The following ALDH7A1 variants were observed in gnomAD, a reference collection of about 807,000 sequenced individuals.
The protein encoded by ALDH7A1 is aldehyde dehydrogenase 7 family member A1, also known as alpha-aminoadipic semialdehyde dehydrogenase.
In ALDH7A1, 63 loss-of-function variants were observed where a neutral mutation model predicts 79.9. The observed-to-expected ratio is 0.79, with a 90% CI of 0.64 to 0.97. The LOEUF is 0.97. ALDH7A1 is among the 50% of genes least tolerant of loss of function. ALDH7A1 has a pLI of 0.00. For missense variants in ALDH7A1, 627 were observed against 665.2 expected, an observed-to-expected ratio of 0.94 and a Z score of 0.63; for synonymous variants, 240 against 231.2, an observed-to-expected ratio of 1.04 and a Z score of -0.34.
intron 12 of ALDH7A1, 162 bp from the exon 13 acceptor site, chr5:126,554,555 T>C: frequency 1.5e-6 from 1 of 684,338 alleles, no homozygotes; most frequent in Non-Finnish European, 2.6e-6. Flanking sequence ...ATGGTAAATA[T>C]TTTATGCTTT....
rs77822695 is a variant in ALDH7A1, at chr5:126,548,330, T to C, written c.1489+1599A>G. On this transcript the variant is annotated intron_variant, in intron 16 of 17. Coordinates refer to ENST00000409134, the MANE Select transcript of ALDH7A1 (RefSeq NM_001182.5). ...CAACTGGCTAGTTTTTTTTAATTTT[T>C]GTAGAGACAGGGTCCTACCATGTTG... Among the ~76,000 whole-genome samples the C allele has an allele frequency of 8.0e-3, 1,220 of 151,968 alleles. 16 individuals are homozygous for C. Among genetic ancestry groups the C allele is most frequent in the African/African-American group, 0.028 (1,155 of 41,416 alleles).
At chr5:126,574,644 G>A (rs984724962) in intron 7 of ALDH7A1, among the ~76,000 whole-genome samples, 12 of 150,434 alleles carry the variant, frequency 8.0e-5, no homozygotes, top group Admixed American at 2.6e-4. Context: ...GCAGTGAGCC[G>A]AGATCGCACC....
At chr5:126,581,246 A>G (rs542071416) in intron 5 of ALDH7A1, 1 of 152,256 alleles carries the variant, frequency 6.6e-6, no homozygotes, top group Non-Finnish European at 1.5e-5. Context: ...CTACATATAC[A>G]TCATTTGGAA....
chr5:126,568,453 G>T, intron 8 of ALDH7A1, 97 bp from the exon 9 acceptor site: 1 of 1,012,074 alleles, frequency 9.9e-7, no homozygotes, highest in Non-Finnish European at 1.6e-6. Flanking sequence ...TGAAAAAGCA[G>T]TCCCTTGAAG....
At chr5:126,568,166 G>C in intron 9 of ALDH7A1, 93 bp downstream of exon 9, 1 of 1,219,530 alleles carries the variant, frequency 8.2e-7, no homozygotes, top group East Asian at 2.3e-5. Flanking sequence ...CTGCCTCCAT[G>C]GAAAAGGTTG....
At chr5:126,589,157 T>A (rs1198668641) in intron 3 of ALDH7A1, 2 of 152,094 alleles carry the variant, frequency 1.3e-5, no homozygotes, top group East Asian at 3.9e-4. Flanking sequence ...AAAAGTCTAT[T>A]AATTTCTTTT....
In ALDH7A1 at chr5:126,595,022, C is replaced by A. The variant is rs1064794242; in HGVS notation, c.177G>T (p.Trp59Cys). ...GCCCGCGTACCTCTCCCCGGCCTCC[C>A]CAGCTTCCATTATACACGCCCTCGT... Reference protein sequence around the residue: ...EENEGVYNGSWGGRGEVITTY... With the variant: ...EENEGVYNGSCGGRGEVITTY... The change falls in exon 1 of 18, where the codon TGG (tryptophan) becomes TGT (cysteine). Residue 59 changes from tryptophan to cysteine, a missense_variant. Trp to Cys is a radical substitution (Grantham distance 215). Transcript: ENST00000409134. 6.2e-7 allele frequency: 1 copy of A among 1,605,868 alleles called. No individual in the cohort carries two copies. The highest frequency in any genetic ancestry group is 8.5e-7 in the Non-Finnish European group (1 of 1,177,008).
rs560212625 is a variant in ALDH7A1 at position 126,592,742 on chromosome 5, T to A, written c.247-13A>T. On this transcript the variant is annotated splice_polypyrimidine_tract_variant and intron_variant, in intron 2 of 17. Coordinates refer to ENST00000409134, the MANE Select transcript of ALDH7A1 (RefSeq NM_001182.5). Reference sequence around the variant, plus strand: ...CTGCCACACTGGCCTAAATTAAGAATTAGGGGGACAGAAAGGGGGAAATAA... The same window carrying A: ...CTGCCACACTGGCCTAAATTAAGAAATAGGGGGACAGAAAGGGGGAAATAA... 1.9e-6 allele frequency: 3 copies of A among 1,610,802 alleles called. No homozygotes were observed. The highest frequency in any genetic ancestry group is 2.2e-5 in the East Asian group (1 of 44,862).
At chr5:126,545,377 C>T (rs1297738952) in intron 17 of ALDH7A1, among the ~76,000 whole-genome samples, 2 of 151,826 alleles carry the variant, frequency 1.3e-5, no homozygotes, top group East Asian at 2.0e-4. Flanking sequence ...CAGGCTCAAG[C>T]GATTCTCCTG....
At chr5:126,548,252 G>T (rs986311231) in intron 16 of ALDH7A1, among the ~76,000 whole-genome samples, 1 of 151,974 alleles carries the variant, frequency 6.6e-6, no homozygotes, top group Non-Finnish European at 1.5e-5. Flanking sequence ...TGGCTTAAGC[G>T]AGCCTTGCAC....
rs576066554 is a variant in ALDH7A1 at position 126,546,546 on chromosome 5, C to G, written c.1490-147G>C. On this transcript the variant is annotated intron_variant, in intron 16 of 17. Transcript: ENST00000409134. ...TAGCCCACAATATCTCCCCTGCAAA[C>G]AAATCAAAGACAGAGACCAAGAGAC... The G allele has an allele frequency of 7.6e-4, 516 of 680,836 alleles. 2 individuals are homozygous for G. Among genetic ancestry groups the G allele is most frequent in the Middle Eastern group, 2.4e-3 (8 of 3,384 alleles). The allele number at this position is 680,836 out of a possible 1,614,324, so 42.2% of individuals were successfully genotyped here.
At chr5:126,561,734 G>C (rs905250384) in intron 9 of ALDH7A1, 4 of 152,174 alleles carry the variant, frequency 2.6e-5, no homozygotes, top group African/African-American at 9.7e-5. Context: ...GAAAAATAAA[G>C]TAAAATGGGA....
chr5:126,576,992 C>G lies in ALDH7A1; in HGVS notation c.650+87G>C. 2.6e-6 allele frequency: 4 copies of G among 1,555,848 alleles called. No individual in the cohort carries two copies. In the South Asian group the frequency reaches 4.5e-5, roughly 17 times the overall value. ...GGTGTGGTGATGCACACTTATAATCCCAGTTACTGAAGAGGCTGAGGTAGT... is the reference window on the plus strand; with the variant it reads ...GGTGTGGTGATGCACACTTATAATCGCAGTTACTGAAGAGGCTGAGGTAGT... On this transcript the variant is annotated intron_variant, in intron 6 of 17. Transcript: ENST00000409134.
At chr5:126,578,287 T>G (rs1168972584) in intron 5 of ALDH7A1, among the ~76,000 whole-genome samples, 1 of 151,650 alleles carries the variant, frequency 6.6e-6, no homozygotes, top group East Asian at 1.9e-4. Flanking sequence ...AGACTCCGCC[T>G]CAAAAAATAA....
In ALDH7A1 at chr5:126,574,042, A is replaced by AAAG. The variant is rs1554100200; in HGVS notation, c.695+1377_695+1378insCTT. Among the ~76,000 whole-genome samples, 757 of 150,666 alleles carry AAAG rather than the reference A, an allele frequency of 5.0e-3. 7 individuals carry two copies. The highest frequency in any genetic ancestry group is 0.018 in the African/African-American group (723 of 40,456). ...CTGTCTCAAAAAAAAAAAAAAAAAAAAAAAGAAAACATATTACCCTTGCTC... is the reference window on the plus strand; with the variant it reads ...CTGTCTCAAAAAAAAAAAAAAAAAAAAAGAAAAGAAAACATATTACCCTTGCTC... On this transcript the variant is annotated intron_variant, in intron 7 of 17. Coordinates refer to ENST00000409134, the MANE Select transcript of ALDH7A1 (RefSeq NM_001182.5).
intron 6 of ALDH7A1, among the ~76,000 whole-genome samples, 172 bp downstream of exon 6, chr5:126,576,907 A>G (rs1750991158): frequency 6.6e-6 from 1 of 152,222 alleles, no homozygotes; most frequent in Non-Finnish European, 1.5e-5. Context: ...AGCCAGGGCA[A>G]CAAGAGTGAA....
At chr5:126,567,127 T>A (rs1750609508) in intron 9 of ALDH7A1, among the ~76,000 whole-genome samples, 1 of 152,224 alleles carries the variant, frequency 6.6e-6, no homozygotes, top group African/African-American at 2.4e-5. Flanking sequence ...ACAAGTTACT[T>A]TCTCCTTCCT....
intron 1 of ALDH7A1, chr5:126,594,400 T>G (rs1027518410): frequency 4.7e-5 from 17 of 364,154 alleles, no homozygotes; most frequent in African/African-American, 3.2e-4. Flanking sequence ...GTGCCACATT[T>G]CTCACAAGAC....
rs890544412 is a variant in ALDH7A1, at chr5:126,570,643, C to A, written c.773+139G>T. 5 of 857,094 alleles carry A rather than the reference C, an allele frequency of 5.8e-6. No individual in the cohort carries two copies. In the East Asian group the frequency reaches 1.2e-4, roughly 21 times the overall value. 53.1% of individuals were successfully genotyped at this position (857,094 alleles called of 1,614,324 possible). ...AGGCATTAATAAAATAAGAACCCAA[C>A]AAAGTCCATAATAATAATGATTTCA... On this transcript the variant is annotated intron_variant, in intron 8 of 17. Coordinates refer to ENST00000409134, the MANE Select transcript of ALDH7A1 (RefSeq NM_001182.5).
Sources: gnomAD v4.1 joint callset for allele counts (sites outside exome capture counted in the v4.1 genomes callset) on GRCh38, gnomAD v4.1.1 for gene constraint, MANE v1.5 for transcripts, NCBI Gene and HGNC (gene_info 2026-07-23, HGNC 2026-07-21) for gene names.